NSMCE2: variants seen among roughly 807,000 people sequenced by gnomAD.
NSMCE2 encodes the protein E3 SUMO-protein ligase NSE2.
In NSMCE2, 24 loss-of-function variants were observed where a neutral mutation model predicts 23.8. That is an observed-to-expected ratio of 1.01 (90% CI 0.73 to 1.42). The LOEUF is 1.42. Among genes scored for constraint, NSMCE2 ranks in the 40% most tolerant of loss-of-function variants. The pLI is 0.00. For missense variants in NSMCE2, 284 were observed against 296.5 expected, an observed-to-expected ratio of 0.96 and a Z score of 0.31; for synonymous variants, 92 against 94.1, an observed-to-expected ratio of 0.98 and a Z score of 0.13.
chr8:125,148,593 C>T (rs7816430), intron 3 of NSMCE2, among the ~76,000 whole-genome samples: 55,594 of 151,914 alleles, frequency 0.37, 13,714 homozygotes, highest in African/African-American at 0.7. Context: ...TTGGGGTACC[C>T]CTAATCAGCA....
At chr8:125,311,934 G>C (rs1828985594) in intron 5 of NSMCE2, among the ~76,000 whole-genome samples, 1 of 152,034 alleles carries the variant, frequency 6.6e-6, no homozygotes, top group Non-Finnish European at 1.5e-5. Context: ...CAGGCATGGT[G>C]GCGCATGCCT....
At chr8:125,112,657 C>G (rs746714914) in intron 3 of NSMCE2, among the ~76,000 whole-genome samples, 12 of 152,012 alleles carry the variant, frequency 7.9e-5, no homozygotes, top group Non-Finnish European at 1.3e-4. Context: ...ATAAATAGTG[C>G]TTGATCTCAC....
intron 7 of NSMCE2, among the ~76,000 whole-genome samples, chr8:125,360,624 G>T (rs890239907): frequency 6.6e-6 from 1 of 152,094 alleles, no homozygotes; most frequent in East Asian, 1.9e-4. Context: ...TGTGGGCGGG[G>T]TGGGCAGGGT....
intron 5 of NSMCE2, among the ~76,000 whole-genome samples, chr8:125,309,655 A>G (rs561646347): frequency 1.3e-5 from 2 of 152,150 alleles, no homozygotes; most frequent in African/African-American, 4.8e-5. Flanking sequence ...AGCTGGGGAG[A>G]TCAAGGCTAC....
chr8:125,108,214 A>C (rs760581903), intron 3 of NSMCE2, among the ~76,000 whole-genome samples: 13 of 152,166 alleles, frequency 8.5e-5, no homozygotes, highest in Non-Finnish European at 1.8e-4. Flanking sequence ...ATGACATGAG[A>C]AGTCCTCTGC....
In NSMCE2 at chr8:125,127,342, G is replaced by A. The variant is rs1276467046; in HGVS notation, c.158-23829G>A. 2.6e-5 allele frequency among the ~76,000 whole-genome samples: 4 copies of A among 152,214 alleles called. No individual in the cohort carries two copies. In the East Asian group the frequency reaches 5.8e-4, roughly 22 times the overall value. Reference sequence around the variant, plus strand: ...AGGTTGGGGGAGTACATGATAGTAAGGGCCATGTGTGTTTCTGTGTGGGGG... The same window carrying A: ...AGGTTGGGGGAGTACATGATAGTAAAGGCCATGTGTGTTTCTGTGTGGGGG... On this transcript the variant is annotated intron_variant, in intron 3 of 7. Transcript: ENST00000287437.
intron 5 of NSMCE2, among the ~76,000 whole-genome samples, chr8:125,281,129 ACTGT>A (rs1414543607): frequency 7.9e-5 from 12 of 152,200 alleles, no homozygotes; most frequent in Non-Finnish European, 1.3e-4. Flanking sequence ...TTTGCCACTG[ACTGT>A]CTTTCTTCCT....
chr8:125,162,356 A>G (rs964136349), intron 4 of NSMCE2, among the ~76,000 whole-genome samples: 2 of 152,206 alleles, frequency 1.3e-5, no homozygotes, highest in Non-Finnish European at 2.9e-5. Flanking sequence ...GTTATACTAC[A>G]TGTTTTATAA....
rs1297180740 is a variant in NSMCE2, at chr8:125,316,657, TCCTTC to T, written c.419-40560_419-40556del. ...TTCTTTATTTCCTTCTTTCCTTCTTTCCTTCCTTCCTTCTTTCCTTCCTTCTTATC... is the reference window on the plus strand; with the variant it reads ...TTCTTTATTTCCTTCTTTCCTTCTTTCTTCCTTCTTTCCTTCCTTCTTATC... On this transcript the variant is annotated intron_variant, in intron 5 of 7. Coordinates refer to ENST00000287437, the MANE Select transcript of NSMCE2 (RefSeq NM_173685.4). Among the ~76,000 whole-genome samples, 16 of 148,312 alleles carry T rather than the reference TCCTTC, an allele frequency of 1.1e-4. 2 individuals are homozygous for T. The highest frequency in any genetic ancestry group is 4.1e-4 in the Admixed American group (6 of 14,626).
intron 5 of NSMCE2, among the ~76,000 whole-genome samples, chr8:125,312,805 G>A (rs1829020668): frequency 6.6e-6 from 1 of 152,240 alleles, no homozygotes; most frequent in East Asian, 1.9e-4. Flanking sequence ...GTGAGCAGGA[G>A]ACAGGTGGCT....
intron 3 of NSMCE2, among the ~76,000 whole-genome samples, chr8:125,108,834 C>G (rs748653394): frequency 5.9e-5 from 9 of 152,052 alleles, no homozygotes; most frequent in Non-Finnish European, 1.3e-4. Context: ...TGTTTACAGT[C>G]TAGGTAGGAA....
chr8:125,299,654 G>A (rs540325425), intron 5 of NSMCE2, among the ~76,000 whole-genome samples: 1 of 152,018 alleles, frequency 6.6e-6, no homozygotes, highest in South Asian at 2.1e-4. Flanking sequence ...GCACCCCTAA[G>A]GAAAATGTAA....
At chr8:125,302,981 C>T (rs1182843912) in intron 5 of NSMCE2, among the ~76,000 whole-genome samples, 1 of 152,146 alleles carries the variant, frequency 6.6e-6, no homozygotes, top group Non-Finnish European at 1.5e-5. Flanking sequence ...AGCAGGGTAA[C>T]GCAGTGTCCA....
intron 5 of NSMCE2, among the ~76,000 whole-genome samples, chr8:125,265,379 G>C (rs1049362334): frequency 3.3e-5 from 5 of 151,968 alleles, no homozygotes; most frequent in Admixed American, 6.6e-5. Context: ...GCACCACTGT[G>C]CCCGGCTGAT....
chr8:125,326,120 G>A (rs569207050), intron 5 of NSMCE2, among the ~76,000 whole-genome samples: 9 of 152,032 alleles, frequency 5.9e-5, no homozygotes, highest in Non-Finnish European at 1.0e-4. Context: ...AGCTGGGTGC[G>A]GTGGCAGGCG....
intron 4 of NSMCE2, among the ~76,000 whole-genome samples, chr8:125,169,548 A>G (rs1015501519): frequency 3.3e-5 from 5 of 151,996 alleles, no homozygotes; most frequent in African/African-American, 9.7e-5. Context: ...TACTTCCCCT[A>G]CTTAGCTCTT....
intron 1 of NSMCE2, among the ~76,000 whole-genome samples, chr8:125,093,438 C>T (rs1817772164): frequency 1.3e-5 from 2 of 152,130 alleles, no homozygotes; most frequent in Non-Finnish European, 2.9e-5. Flanking sequence ...CCTGTAATCC[C>T]AGCACTTTGG....
At chr8:125,107,665 A>G (rs1818531039) in intron 3 of NSMCE2, among the ~76,000 whole-genome samples, 1 of 152,194 alleles carries the variant, frequency 6.6e-6, no homozygotes, top group South Asian at 2.1e-4. Context: ...AACATTCAAC[A>G]TTTGTACTAA....
intron 5 of NSMCE2, among the ~76,000 whole-genome samples, chr8:125,305,453 A>G (rs2131212775): frequency 1.3e-5 from 2 of 152,338 alleles, no homozygotes; most frequent in Admixed American, 1.3e-4. Flanking sequence ...TAGGGACAAG[A>G]GGCTGAAGAG....
Sources: gnomAD v4.1 joint callset for allele counts (sites outside exome capture counted in the v4.1 genomes callset) on GRCh38, gnomAD v4.1.1 for gene constraint, MANE v1.5 for transcripts, NCBI Gene and HGNC (gene_info 2026-07-23, HGNC 2026-07-21) for gene names.